Variants in SNX6 observed in about 807,000 individuals in gnomAD.
The protein encoded by SNX6 is sorting nexin 6, also known as sorting nexin-6.
SNX6 carries 34 observed loss-of-function variants against 63.0 expected under a neutral mutation model. The observed-to-expected ratio is 0.54, with a 90% CI of 0.41 to 0.72. SNX6 has a LOEUF of 0.72. Ranked by LOEUF, SNX6 falls within the 30% of genes least tolerant of loss-of-function variation. The pLI is 0.00. For synonymous variants in SNX6, 170 were observed against 164.2 expected (o/e 1.04, Z -0.27); for missense variants, 398 against 471.4 (o/e 0.84, Z 1.44).
chr14:34,568,896 CT>C, intron 11 of SNX6: 1 of 1,226,902 alleles, frequency 8.2e-7, no homozygotes, highest in Non-Finnish European at 1.2e-6. Flanking sequence ...CCCCATAGAT[CT>C]TGGTCATGGA....
intron 2 of SNX6, among the ~76,000 whole-genome samples, chr14:34,618,777 C>A (rs1004325606): frequency 3.3e-5 from 5 of 152,148 alleles, no homozygotes; most frequent in Non-Finnish European, 5.9e-5. Flanking sequence ...GTCCTTAAGT[C>A]TTCCTCAGGA....
At chr14:34,564,777 A>C (rs1423645740) in intron 13 of SNX6, among the ~76,000 whole-genome samples, 1 of 151,336 alleles carries the variant, frequency 6.6e-6, no homozygotes, top group Non-Finnish European at 1.5e-5. Flanking sequence ...CAGTGAGCTG[A>C]GATCACGCCA....
At chr14:34,575,732 CA>C in intron 11 of SNX6, 23 bp downstream of exon 11, 1 of 1,369,864 alleles carries the variant, frequency 7.3e-7, no homozygotes. Flanking sequence ...TAAAATGGCT[CA>C]TTTAAAAAAA....
intron 6 of SNX6, among the ~76,000 whole-genome samples, chr14:34,599,534 G>C (rs1338969064): frequency 1.3e-5 from 2 of 151,700 alleles, no homozygotes; most frequent in African/African-American, 2.4e-5. Flanking sequence ...TTGAACCCAG[G>C]AGGCAGAGGT....
rs60755736 is a variant in SNX6 at position 34,590,430 on chromosome 14, C to CA, written c.718+2614dup. Among the ~76,000 whole-genome samples the CA allele has an allele frequency of 5.7e-3, 483 of 84,190 alleles. 3 individuals carry two copies. The highest frequency in any genetic ancestry group is 0.012 in the East Asian group (32 of 2,768). 55.2% of individuals were successfully genotyped at this position (84,190 alleles called of 152,430 possible). On this transcript the variant is annotated intron_variant, in intron 8 of 13. Transcript: ENST00000362031. ...TGGGCGACAGAGCAAGACTTCGTCT[C>CA]AAAAAAAAAAAAAAAGAATAAAGCT...
intron 11 of SNX6, among the ~76,000 whole-genome samples, chr14:34,574,612 T>G (rs1594699563): frequency 1.0e-5 from 1 of 96,748 alleles, no homozygotes; most frequent in African/African-American, 4.3e-5. Flanking sequence ...AGAGTGAGAC[T>G]CCATCTCAAA....
chr14:34,610,912 T>A (rs1038068915), intron 2 of SNX6, among the ~76,000 whole-genome samples: 4 of 152,176 alleles, frequency 2.6e-5, no homozygotes. Context: ...TTTAATTATA[T>A]TGTAAATGAA....
At chr14:34,601,331 T>C (rs1882806819) in intron 6 of SNX6, among the ~76,000 whole-genome samples, 1 of 151,344 alleles carries the variant, frequency 6.6e-6, no homozygotes. Context: ...GGTCAAGCGA[T>C]TCTCTTGCCT....
intron 10 of SNX6, among the ~76,000 whole-genome samples, chr14:34,577,788 A>G (rs1881768683): frequency 6.6e-6 from 1 of 152,246 alleles, no homozygotes; most frequent in Non-Finnish European, 1.5e-5. Context: ...AGGGAGAATC[A>G]TTAGTAACAG....
At chr14:34,574,297 C>G (rs1881588748) in intron 11 of SNX6, among the ~76,000 whole-genome samples, 1 of 149,240 alleles carries the variant, frequency 6.7e-6, no homozygotes, top group Non-Finnish European at 1.5e-5. Context: ...AATCATGCCA[C>G]TGCACTCCAG....
chr14:34,592,502 G>A (rs777318612), intron 8 of SNX6, among the ~76,000 whole-genome samples: 9 of 152,160 alleles, frequency 5.9e-5, no homozygotes, highest in South Asian at 2.1e-4. Flanking sequence ...TCCATCATCG[G>A]TGTAAATGTC....
At position 34,566,625 on chromosome 14, in the gene SNX6, G is replaced by A. The variant is rs114232923; in HGVS notation, c.1167+1061C>T. 3.7e-3 allele frequency among the ~76,000 whole-genome samples: 556 copies of A among 152,280 alleles called. 3 individuals are homozygous for A. The highest frequency in any genetic ancestry group is 0.012 in the African/African-American group (478 of 41,558). ...TCTTTCAGAGCTGACCATTGGAGAC[G>A]TTATAGATATTATTTTTACTTTAAT... On this transcript the variant is annotated intron_variant, in intron 13 of 13. Transcript: ENST00000362031.
At chr14:34,573,611 T>G (rs1179367027) in intron 11 of SNX6, among the ~76,000 whole-genome samples, 3 of 151,538 alleles carry the variant, frequency 2.0e-5, no homozygotes, top group African/African-American at 7.3e-5. Context: ...AGTGTTTTAG[T>G]CTTGCACACA....
chr14:34,623,619 C>T (rs1047519970), intron 2 of SNX6, among the ~76,000 whole-genome samples: 2 of 152,114 alleles, frequency 1.3e-5, no homozygotes, highest in African/African-American at 4.8e-5. Context: ...TGGAACCAAG[C>T]ACATGAAAGA....
intron 10 of SNX6, among the ~76,000 whole-genome samples, chr14:34,579,234 T>C (rs1461737052): frequency 2.0e-5 from 3 of 152,084 alleles, no homozygotes; most frequent in East Asian, 1.9e-4. Flanking sequence ...ATCTTAGCAG[T>C]ATTGTTATAA....
At chr14:34,608,273 G>A in intron 3 of SNX6, 133 bp from the exon 4 acceptor site, 3 of 502,056 alleles carry the variant, frequency 6.0e-6, no homozygotes, top group Non-Finnish European at 1.1e-5. Context: ...AACCTCCCAG[G>A]CTCAAGCAAT....
At chr14:34,610,279 G>A (rs959104207) in intron 2 of SNX6, among the ~76,000 whole-genome samples, 2 of 146,194 alleles carry the variant, frequency 1.4e-5, no homozygotes, top group East Asian at 4.0e-4. Flanking sequence ...GCTTGCTTGA[G>A]CCTAGGTCAA....
At chr14:34,621,245 T>C (rs1250887323) in intron 2 of SNX6, among the ~76,000 whole-genome samples, 3 of 152,170 alleles carry the variant, frequency 2.0e-5, no homozygotes, top group Non-Finnish European at 4.4e-5. Flanking sequence ...CTGCGTCAGC[T>C]TCTCTCAACT....
intron 7 of SNX6, 115 bp from the exon 8 acceptor site, chr14:34,593,265 A>T: frequency 1.6e-6 from 1 of 627,588 alleles, no homozygotes; most frequent in Non-Finnish European, 2.7e-6. Flanking sequence ...ACCTATCCTC[A>T]GTCAGATGTT....
Sources: gnomAD v4.1 joint callset for allele counts (sites outside exome capture counted in the v4.1 genomes callset) on GRCh38, gnomAD v4.1.1 for gene constraint, MANE v1.5 for transcripts, NCBI Gene and HGNC (gene_info 2026-07-23, HGNC 2026-07-21) for gene names.